Variants in DACH1 observed in about 807,000 individuals in gnomAD.
The protein encoded by DACH1 is dachshund family transcription factor 1, also known as dachshund homolog 1.
Under a neutral mutation model 54.2 loss-of-function variants are expected in DACH1, and 12 were observed. The observed-to-expected ratio is 0.22, with a 90% CI of 0.14 to 0.36. DACH1 has a LOEUF of 0.36. DACH1 is among the 10% of genes least tolerant of loss of function. The pLI, the probability that DACH1 is intolerant of heterozygous loss-of-function variation, is 1.00. For missense variants in DACH1, 805 were observed against 929.8 expected (o/e 0.87, Z 1.75); for synonymous variants, 386 against 366.2 (o/e 1.05, Z -0.62).
chr13:71,744,443 T>C (rs59750052), intron 1 of DACH1, among the ~76,000 whole-genome samples: 3,498 of 152,246 alleles, frequency 0.023, 135 homozygotes, highest in African/African-American at 0.078. Flanking sequence ...GGTATGGTGA[T>C]ATCCTGCCTG....
At chr13:71,526,579 G>A (rs74095960) in intron 6 of DACH1, among the ~76,000 whole-genome samples, 2,199 of 152,000 alleles carry the variant, frequency 0.014, 51 homozygotes, top group African/African-American at 0.05. Flanking sequence ...ATTAGTGCAT[G>A]TAACTTTAAA....
At chr13:71,595,429 A>T (rs185277255) in intron 3 of DACH1, among the ~76,000 whole-genome samples, 1 of 152,282 alleles carries the variant, frequency 6.6e-6, no homozygotes, top group East Asian at 1.9e-4. Context: ...GGCTACCATC[A>T]AAAAGAAGGG....
intron 1 of DACH1, among the ~76,000 whole-genome samples, chr13:71,862,417 G>A (rs769659550): frequency 2.6e-4 from 39 of 151,974 alleles, no homozygotes; most frequent in Non-Finnish European, 5.6e-4. Context: ...CCAAGTTCAT[G>A]CAACTAATGT....
intron 4 of DACH1, among the ~76,000 whole-genome samples, chr13:71,566,295 G>C (rs577113745): frequency 6.6e-6 from 1 of 152,136 alleles, no homozygotes; most frequent in Non-Finnish European, 1.5e-5. Flanking sequence ...TGATGTGGGG[G>C]TACGACTACT....
intron 2 of DACH1, among the ~76,000 whole-genome samples, chr13:71,667,506 T>A (rs1879917403): frequency 6.6e-6 from 1 of 152,060 alleles, no homozygotes; most frequent in Non-Finnish European, 1.5e-5. Flanking sequence ...ATGGCATTGG[T>A]ATTTGGAGGA....
At chr13:71,542,620 T>C (rs1419035429) in intron 6 of DACH1, among the ~76,000 whole-genome samples, 1 of 152,104 alleles carries the variant, frequency 6.6e-6, no homozygotes, top group East Asian at 1.9e-4. Flanking sequence ...ATGAGAAAAG[T>C]CTGTTTAATC....
chr13:71,865,198 G>C (rs559823755), intron 1 of DACH1, among the ~76,000 whole-genome samples: 1 of 152,034 alleles, frequency 6.6e-6, no homozygotes, highest in Non-Finnish European at 1.5e-5. Flanking sequence ...GCGGACACAC[G>C]CACACATGCG....
intron 2 of DACH1, among the ~76,000 whole-genome samples, chr13:71,669,442 G>A (rs1880079931): frequency 6.6e-6 from 1 of 152,118 alleles, no homozygotes; most frequent in Non-Finnish European, 1.5e-5. Context: ...ATCTGTCACT[G>A]TCTCCCATCA....
chr13:71,475,804 T>C lies in DACH1; in HGVS notation c.1916A>G (p.Lys639Arg). 1.9e-6 allele frequency: 3 copies of C among 1,613,676 alleles called. No homozygotes were observed. Among genetic ancestry groups the C allele is most frequent in the Non-Finnish European group, 2.5e-6 (3 of 1,179,846 alleles). Residue 639 changes from lysine (K) to arginine (R), a missense_variant, in exon 9 of 11, where the codon AAA becomes AGA. Around this residue, in one of 3 missense-constraint regions of DACH1, gnomAD observed 472 missense variants for 545.3 expected, o/e 0.87. Transcript: ENST00000613252. The stretch of plus-strand genomic sequence containing the variant: ...CTCAAACTCAAGTGCTTCCTGCAAT[T>C]TTCTCTTTGCCTTCTTCTCCTTCTT... ...RLKKEKKAKR[K>R]LQEALEFETK... is the part of the protein sequence containing the mutation.
intron 6 of DACH1, among the ~76,000 whole-genome samples, chr13:71,496,354 T>C (rs1008290732): frequency 4.8e-5 from 7 of 147,172 alleles, no homozygotes; most frequent in African/African-American, 1.8e-4. Context: ...TGTATGTGTA[T>C]ATATATAGAC....
intron 1 of DACH1, among the ~76,000 whole-genome samples, chr13:71,723,123 C>A (rs1374829906): frequency 6.6e-6 from 1 of 151,932 alleles, no homozygotes; most frequent in East Asian, 1.9e-4. Flanking sequence ...GTGTCTAGGT[C>A]TGGCATAGCA....
chr13:71,649,604 C>A (rs756047418), intron 2 of DACH1, among the ~76,000 whole-genome samples: 1 of 152,060 alleles, frequency 6.6e-6, no homozygotes, highest in African/African-American at 2.4e-5. Context: ...ATTTCCATAA[C>A]AAACACCATA....
intron 6 of DACH1, among the ~76,000 whole-genome samples, chr13:71,501,671 A>G (rs1024849411): frequency 3.3e-5 from 5 of 152,166 alleles, no homozygotes; most frequent in Admixed American, 6.6e-5. Context: ...TCAATAATAA[A>G]AAGTTAATAG....
At chr13:71,808,015 T>C (rs1887577635) in intron 1 of DACH1, among the ~76,000 whole-genome samples, 1 of 152,124 alleles carries the variant, frequency 6.6e-6, no homozygotes, top group Admixed American at 6.5e-5. Context: ...GAATTATACA[T>C]CTCCCCTGCT....
chr13:71,693,319 T>TTTTTTTTTTTA (rs1881625405), intron 1 of DACH1, among the ~76,000 whole-genome samples: 1 of 143,876 alleles, frequency 7.0e-6, no homozygotes, highest in African/African-American at 2.6e-5. Flanking sequence ...TTTTTTTTTT[T>TTTTTTTTTTTA]GAGACAAGAG....
chr13:71,501,197 G>A (rs180771226), intron 6 of DACH1, among the ~76,000 whole-genome samples: 86 of 152,198 alleles, frequency 5.7e-4, no homozygotes, highest in Middle Eastern at 3.4e-3. Flanking sequence ...CTCTTCGGGC[G>A]CACTTTCCCA....
At chr13:71,653,659 T>C (rs1346211071) in intron 2 of DACH1, among the ~76,000 whole-genome samples, 1 of 152,222 alleles carries the variant, frequency 6.6e-6, no homozygotes. Flanking sequence ...AAGCCTAGGT[T>C]TGAATCTCTC....
At chr13:71,830,613 G>A (rs1415785468) in intron 1 of DACH1, among the ~76,000 whole-genome samples, 1 of 151,724 alleles carries the variant, frequency 6.6e-6, no homozygotes, top group Non-Finnish European at 1.5e-5. Context: ...ATGTTTAACC[G>A]ACCAGTCTAA....
intron 2 of DACH1, among the ~76,000 whole-genome samples, chr13:71,640,038 T>C (rs991492007): frequency 6.6e-6 from 1 of 152,010 alleles, no homozygotes; most frequent in Non-Finnish European, 1.5e-5. Context: ...TTAGGGGCAA[T>C]GAGGTTAATC....
Sources: allele counts gnomAD v4.1 joint callset (sites outside exome capture counted in the v4.1 genomes callset), GRCh38; gene constraint gnomAD v4.1.1; regional missense constraint gnomAD v4.1.1; transcripts MANE v1.5; gene names NCBI Gene and HGNC (gene_info 2026-07-23, HGNC 2026-07-21).